Variants in CSGALNACT1 observed in about 807,000 individuals in gnomAD.
CSGALNACT1 encodes chondroitin sulfate N-acetylgalactosaminyltransferase 1.
In CSGALNACT1, 52 loss-of-function variants were observed where a neutral mutation model predicts 51.0. That is an observed-to-expected ratio of 1.02 (90% confidence interval 0.82 to 1.29). CSGALNACT1 has a LOEUF of 1.29. Among genes scored for constraint, CSGALNACT1 ranks in the 50% most tolerant of loss-of-function variants. CSGALNACT1 has a pLI of 0.00. For missense variants in CSGALNACT1, 935 were observed against 679.2 expected, an observed-to-expected ratio of 1.38 and a Z score of -4.19; for synonymous variants, 341 against 254.4, an observed-to-expected ratio of 1.34 and a Z score of -3.24.
At chr8:19,517,851 A>C (rs1185495296) in intron 3 of CSGALNACT1, among the ~76,000 whole-genome samples, 1 of 148,894 alleles carries the variant, frequency 6.7e-6, no homozygotes, top group Non-Finnish European at 1.5e-5. Flanking sequence ...ATTCAAGATG[A>C]GATTTGGGTG....
chr8:19,654,156 A>G (rs1369715784), intron 1 of CSGALNACT1, among the ~76,000 whole-genome samples: 2 of 152,202 alleles, frequency 1.3e-5, no homozygotes, highest in African/African-American at 4.8e-5. Context: ...TATGACATCG[A>G]TGTGAGTCAG....
intron 3 of CSGALNACT1, among the ~76,000 whole-genome samples, chr8:19,552,995 A>T (rs1474037771): frequency 6.6e-6 from 1 of 152,178 alleles, no homozygotes; most frequent in Non-Finnish European, 1.5e-5. Context: ...GGAAGGCTCA[A>T]GCACATGACG....
At chr8:19,530,765 A>T (rs1286004631) in intron 3 of CSGALNACT1, among the ~76,000 whole-genome samples, 4 of 152,220 alleles carry the variant, frequency 2.6e-5, no homozygotes, top group Non-Finnish European at 5.9e-5. Context: ...TTGATTGTCC[A>T]TGAAGTTAGT....
At chr8:19,657,353 T>C (rs1369375200) in intron 1 of CSGALNACT1, among the ~76,000 whole-genome samples, 1 of 150,352 alleles carries the variant, frequency 6.7e-6, no homozygotes, top group Non-Finnish European at 1.5e-5. Context: ...CCAATCGAAT[T>C]TCTATGAGAA....
chr8:19,665,544 T>C (rs895664320), intron 1 of CSGALNACT1, among the ~76,000 whole-genome samples: 26 of 152,210 alleles, frequency 1.7e-4, no homozygotes, highest in Non-Finnish European at 3.5e-4. Flanking sequence ...GAAATCTCCC[T>C]GAGGATGACT....
chr8:19,749,840 G>T (rs572926689), intron 1 of CSGALNACT1, among the ~76,000 whole-genome samples: 1 of 152,154 alleles, frequency 6.6e-6, no homozygotes, highest in Admixed American at 6.5e-5. Context: ...TTTTGACTTA[G>T]CTACTCACTG....
At chr8:19,599,835 C>T (rs1466197895) in intron 2 of CSGALNACT1, among the ~76,000 whole-genome samples, 3 of 152,190 alleles carry the variant, frequency 2.0e-5, no homozygotes, top group African/African-American at 4.8e-5. Flanking sequence ...AAGAAACCAA[C>T]GTGCACATTG....
intron 1 of CSGALNACT1, among the ~76,000 whole-genome samples, chr8:19,664,759 G>C (rs765228808): frequency 1.1e-4 from 16 of 152,150 alleles, no homozygotes; most frequent in Admixed American, 5.9e-4. Context: ...TGGAACTGGA[G>C]GTAATTATCT....
chr8:19,748,502 T>G (rs1442651688), intron 1 of CSGALNACT1, among the ~76,000 whole-genome samples: 1 of 152,192 alleles, frequency 6.6e-6, no homozygotes, highest in African/African-American at 2.4e-5. Flanking sequence ...TTGACACTCG[T>G]TTTCTTTTCC....
intron 4 of CSGALNACT1, among the ~76,000 whole-genome samples, chr8:19,460,695 T>C (rs374228151): frequency 9.8e-5 from 15 of 152,338 alleles, no homozygotes; most frequent in African/African-American, 3.6e-4. Context: ...ATTTCTCTCC[T>C]GCCTAGAGTC....
At chr8:19,603,581 C>T (rs1238441072), upstream of CSGALNACT1, among the ~76,000 whole-genome samples, 3 of 152,196 alleles carry the variant, frequency 2.0e-5, no homozygotes, top group African/African-American at 4.8e-5. Context: ...TTTCTGTCCC[C>T]GACAACAAAT....
intron 4 of CSGALNACT1, among the ~76,000 whole-genome samples, chr8:19,485,673 C>A (rs1041374907): frequency 5.3e-5 from 8 of 150,458 alleles, no homozygotes; most frequent in African/African-American, 1.9e-4. Flanking sequence ...TTCCTCCATT[C>A]CCTTTTACTT....
intron 6 of CSGALNACT1, among the ~76,000 whole-genome samples, chr8:19,428,475 G>T (rs780717807): frequency 6.6e-6 from 1 of 152,054 alleles, no homozygotes; most frequent in Admixed American, 6.6e-5. Context: ...AACTGTGTGG[G>T]GGAAAATGCC....
chr8:19,497,920 G>A (rs962339108), intron 4 of CSGALNACT1, among the ~76,000 whole-genome samples: 1 of 152,048 alleles, frequency 6.6e-6, no homozygotes, highest in Non-Finnish European at 1.5e-5. Flanking sequence ...CCCCCTCCCC[G>A]CTTTGAGTCT....
At chr8:19,425,566 G>C (rs1156963521) in intron 6 of CSGALNACT1, among the ~76,000 whole-genome samples, 5 of 152,098 alleles carry the variant, frequency 3.3e-5, no homozygotes, top group Admixed American at 3.3e-4. Flanking sequence ...AGGCTAATCA[G>C]AGCCTCACAA....
At chr8:19,610,961 G>A (rs1487759898) in intron 1 of CSGALNACT1, among the ~76,000 whole-genome samples, 6 of 152,186 alleles carry the variant, frequency 3.9e-5, no homozygotes, top group Non-Finnish European at 7.3e-5. Flanking sequence ...GACGTGGGGC[G>A]GGAGCCCCGC....
chr8:19,660,832 G>T (rs1426456791), intron 1 of CSGALNACT1, among the ~76,000 whole-genome samples: 1 of 152,116 alleles, frequency 6.6e-6, no homozygotes, highest in Non-Finnish European at 1.5e-5. Flanking sequence ...AAAACACAAG[G>T]TTCTTACATG....
chr8:19,524,142 T>C (rs2081232858), intron 3 of CSGALNACT1, among the ~76,000 whole-genome samples: 1 of 152,116 alleles, frequency 6.6e-6, no homozygotes, highest in Non-Finnish European at 1.5e-5. Context: ...ACATAAAAAT[T>C]AGCTGGGCAT....
intron 6 of CSGALNACT1, among the ~76,000 whole-genome samples, chr8:19,432,954 G>T (rs756557971): frequency 6.6e-6 from 1 of 151,642 alleles, no homozygotes; most frequent in Non-Finnish European, 1.5e-5. Context: ...TCTAATGACC[G>T]ATTTTTTTTT....
Sources: allele counts gnomAD v4.1 joint callset (sites outside exome capture counted in the v4.1 genomes callset), GRCh38; gene constraint gnomAD v4.1.1; transcripts MANE v1.5; gene names NCBI Gene and HGNC (gene_info 2026-07-23, HGNC 2026-07-21).